The following LY96 variants were observed in gnomAD, a reference collection of about 807,000 sequenced individuals.
LY96 encodes the protein lymphocyte antigen 96.
In LY96, 18 loss-of-function variants were observed where a neutral mutation model predicts 18.9. The ratio of observed to expected loss-of-function variants is 0.95; its 90% CI spans 0.66 to 1.41. LY96 has a LOEUF of 1.41. Ranked by LOEUF, LY96 falls within the 40% of genes most tolerant of loss-of-function variation. The probability of loss-of-function intolerance (pLI) is 0.00; values close to 1 mark genes in which losing one functional copy is unlikely to be tolerated. For synonymous variants in LY96, 66 were observed against 62.6 expected, an observed-to-expected ratio of 1.06 and a Z score of -0.26; for missense variants, 175 against 182.4, an observed-to-expected ratio of 0.96 and a Z score of 0.23.
At chr8:74,019,868 C>T (rs766292456) in intron 3 of LY96, among the ~76,000 whole-genome samples, 5 of 152,176 alleles carry the variant, frequency 3.3e-5, no homozygotes, top group African/African-American at 4.8e-5. Context: ...CAAAATTCAA[C>T]AGCCTTTCAT....
At chr8:74,068,079 A>ATATAT in the LY96 span, among the ~76,000 whole-genome samples, 4 of 97,230 alleles carry the variant, frequency 4.1e-5, no homozygotes, top group African/African-American at 2.6e-4. Flanking sequence ...AAAAAAAAAA[A>ATATAT]AAAAAAAAAA....
chr8:74,059,448 A>C, the LY96 span, among the ~76,000 whole-genome samples: 1 of 152,232 alleles, frequency 6.6e-6, no homozygotes, highest in African/African-American at 2.4e-5. Flanking sequence ...AGATATAAAG[A>C]CATTTTTAAA....
the LY96 span, among the ~76,000 whole-genome samples, chr8:74,081,057 TTTC>T: frequency 7.4e-6 from 1 of 134,236 alleles, no homozygotes; most frequent in African/African-American, 3.4e-5. Context: ...TTTTTCTTTC[TTTC>T]TTTCTTACTT....
At chr8:74,023,096 T>G (rs893956496) in intron 3 of LY96, among the ~76,000 whole-genome samples, 1 of 152,148 alleles carries the variant, frequency 6.6e-6, no homozygotes, top group African/African-American at 2.4e-5. Context: ...TGAAATCTAA[T>G]GAGATGATGA....
At chr8:74,037,179 G>A in the LY96 span, among the ~76,000 whole-genome samples, 1 of 152,114 alleles carries the variant, frequency 6.6e-6, no homozygotes, top group Non-Finnish European at 1.5e-5. Flanking sequence ...TGACTAGGTT[G>A]GCTCAATCAG....
chr8:74,007,879 C>A (rs552273317), intron 2 of LY96, among the ~76,000 whole-genome samples: 1 of 152,198 alleles, frequency 6.6e-6, no homozygotes, highest in Non-Finnish European at 1.5e-5. Context: ...CCTGCCTCAG[C>A]ACCCCTGGTA....
the LY96 span, among the ~76,000 whole-genome samples, chr8:74,034,550 T>C: frequency 6.6e-6 from 1 of 152,202 alleles, no homozygotes; most frequent in Admixed American, 6.5e-5. Context: ...TTATTTTTAG[T>C]TGGTGCCTTA....
intron 3 of LY96, among the ~76,000 whole-genome samples, chr8:74,012,053 A>C (rs1816543975): frequency 6.6e-6 from 1 of 152,216 alleles, no homozygotes; most frequent in African/African-American, 2.4e-5. Flanking sequence ...AGATGTTAGC[A>C]AGAATATGGA....
chr8:74,047,025 C>T, the LY96 span, among the ~76,000 whole-genome samples: 1 of 152,002 alleles, frequency 6.6e-6, no homozygotes, highest in African/African-American at 2.4e-5. Flanking sequence ...CCTCAGCCTC[C>T]TGAGTAGCTG....
chr8:74,060,572 T>C, the LY96 span, among the ~76,000 whole-genome samples: 1 of 152,214 alleles, frequency 6.6e-6, no homozygotes, highest in Non-Finnish European at 1.5e-5. Flanking sequence ...ATAATAGGTG[T>C]TCGATAAATA....
chr8:74,089,755 T>C, the LY96 span, among the ~76,000 whole-genome samples: 1 of 57,444 alleles, frequency 1.7e-5, no homozygotes, highest in East Asian at 7.3e-4. Flanking sequence ...AAATGGGGGG[T>C]GGGGGGGATA....
At chr8:74,032,923 A>G (rs1816994491), downstream of LY96, among the ~76,000 whole-genome samples, 1 of 152,190 alleles carries the variant, frequency 6.6e-6, no homozygotes, top group Non-Finnish European at 1.5e-5. Flanking sequence ...ATAAAATGCC[A>G]AGTGGAACAC....
At chr8:74,017,851 T>G (rs1464184606) in intron 3 of LY96, among the ~76,000 whole-genome samples, 1 of 152,168 alleles carries the variant, frequency 6.6e-6, no homozygotes, top group African/African-American at 2.4e-5. Flanking sequence ...AAGCAAATGC[T>G]GAGAGATTTT....
chr8:74,002,571 TTC>T (rs1464772459), intron 1 of LY96, among the ~76,000 whole-genome samples: 57 of 149,762 alleles, frequency 3.8e-4, no homozygotes, highest in African/African-American at 1.3e-3. Flanking sequence ...ATTTATTTAT[TTC>T]TTTTTTTTTT....
At chr8:73,992,842 G>A (rs1289290033) in intron 1 of LY96, among the ~76,000 whole-genome samples, 1 of 73,124 alleles carries the variant, frequency 1.4e-5, no homozygotes, top group African/African-American at 5.1e-5. Flanking sequence ...GCCACTGTGT[G>A]TGTGTGTGTG....
the LY96 span, among the ~76,000 whole-genome samples, chr8:74,058,783 G>A: frequency 1.3e-5 from 2 of 152,134 alleles, no homozygotes; most frequent in Non-Finnish European, 2.9e-5. Context: ...GCTTCCCAAA[G>A]TCCTGGGATT....
the LY96 span, among the ~76,000 whole-genome samples, chr8:74,063,718 A>G: frequency 2.1e-5 from 3 of 142,250 alleles, no homozygotes; most frequent in African/African-American, 8.9e-5. Flanking sequence ...GATCCTGTAC[A>G]TCTTTTGTAA....
the LY96 span, among the ~76,000 whole-genome samples, chr8:74,072,869 G>A: frequency 1.3e-5 from 2 of 152,130 alleles, no homozygotes; most frequent in African/African-American, 4.8e-5. Context: ...GTGAGCATGC[G>A]GGTGCCTCAG....
intron 3 of LY96, among the ~76,000 whole-genome samples, chr8:74,016,007 T>C (rs560122768): frequency 1.3e-5 from 2 of 152,312 alleles, no homozygotes; most frequent in Admixed American, 1.3e-4. Flanking sequence ...TCACTGGGAC[T>C]AGTTGGACAG....
Sources: allele counts gnomAD v4.1 joint callset (sites outside exome capture counted in the v4.1 genomes callset), GRCh38; gene constraint gnomAD v4.1.1; transcripts MANE v1.5; gene names NCBI Gene and HGNC (gene_info 2026-07-23, HGNC 2026-07-21).